Variants in SPMIP2 observed in about 807,000 individuals in gnomAD.
SPMIP2 encodes protein SPMIP2.
chr4:159,020,784 C>T, the SPMIP2 span, among the ~76,000 whole-genome samples: 4 of 152,082 alleles, frequency 2.6e-5, no homozygotes, highest in Admixed American at 1.3e-4. Context: ...GTTGTTGAGA[C>T]GGTGTCTCAC....
chr4:159,068,399 C>G, the SPMIP2 span, among the ~76,000 whole-genome samples: 1 of 151,588 alleles, frequency 6.6e-6, no homozygotes, highest in Non-Finnish European at 1.5e-5. Context: ...TCTCAGCAAA[C>G]TATCACAAGG....
At chr4:158,961,702 C>T in the SPMIP2 span, among the ~76,000 whole-genome samples, 1 of 152,104 alleles carries the variant, frequency 6.6e-6, no homozygotes, top group African/African-American at 2.4e-5. Flanking sequence ...GAAGACCTTT[C>T]TCAGAAACAT....
chr4:159,063,163 C>A, the SPMIP2 span, among the ~76,000 whole-genome samples: 1 of 152,068 alleles, frequency 6.6e-6, no homozygotes, highest in Non-Finnish European at 1.5e-5. Flanking sequence ...ATTTTAAAGA[C>A]CAACAAAAGA....
the SPMIP2 span, chr4:158,904,678 G>GTGTT: frequency 1.3e-6 from 1 of 772,066 alleles, no homozygotes; most frequent in Admixed American, 2.6e-5. Context: ...TTTTTGTTTT[G>GTGTT]TGTTTTTGCT....
chr4:158,969,050 G>C, the SPMIP2 span, among the ~76,000 whole-genome samples: 1 of 151,942 alleles, frequency 6.6e-6, no homozygotes, highest in Non-Finnish European at 1.5e-5. Context: ...TAATATATTG[G>C]TTATAATATG....
At chr4:159,067,661 G>T in the SPMIP2 span, among the ~76,000 whole-genome samples, 1 of 152,126 alleles carries the variant, frequency 6.6e-6, no homozygotes, top group East Asian at 1.9e-4. Flanking sequence ...TGACAAATGG[G>T]ATCTAATTAA....
At chr4:159,045,343 A>G in the SPMIP2 span, among the ~76,000 whole-genome samples, 1 of 38,322 alleles carries the variant, frequency 2.6e-5, no homozygotes, top group African/African-American at 9.5e-5. Context: ...TATAAAAGCT[A>G]AGGTATTTTT....
the SPMIP2 span, among the ~76,000 whole-genome samples, chr4:159,022,744 T>G: frequency 6.6e-6 from 1 of 152,088 alleles, no homozygotes; most frequent in Admixed American, 6.6e-5. Flanking sequence ...GTTAATATCG[T>G]GTGTTGGCCG....
the SPMIP2 span, among the ~76,000 whole-genome samples, chr4:158,894,359 A>G: frequency 6.6e-6 from 1 of 151,884 alleles, no homozygotes; most frequent in Non-Finnish European, 1.5e-5. Context: ...TTTTGTAGAG[A>G]CAGAGGCTCA....
At chr4:158,993,416 GTTAATA>G in the SPMIP2 span, among the ~76,000 whole-genome samples, 143 of 151,918 alleles carry the variant, frequency 9.4e-4, 1 homozygote, top group Admixed American at 1.8e-3. Context: ...TACAATGTGT[GTTAATA>G]GAGAAAGGGA....
chr4:158,915,387 A>G, the SPMIP2 span: 3 of 1,571,954 alleles, frequency 1.9e-6, no homozygotes, highest in Middle Eastern at 1.7e-4. Flanking sequence ...TGGTTCTGAA[A>G]TGGAAAAGAG....
At chr4:158,975,169 C>G in the SPMIP2 span, among the ~76,000 whole-genome samples, 2 of 151,498 alleles carry the variant, frequency 1.3e-5, no homozygotes, top group South Asian at 4.2e-4. Flanking sequence ...TTTCTTGTGA[C>G]TTTAAGTTCC....
the SPMIP2 span, among the ~76,000 whole-genome samples, chr4:158,940,982 T>C: frequency 2.0e-5 from 3 of 152,142 alleles, no homozygotes; most frequent in African/African-American, 7.2e-5. Context: ...CTTCTCCAGA[T>C]CCAGAATCAG....
chr4:158,984,519 C>T, the SPMIP2 span, among the ~76,000 whole-genome samples: 1 of 151,614 alleles, frequency 6.6e-6, no homozygotes, highest in African/African-American at 2.4e-5. Context: ...GAACAACCTG[C>T]TCCTGAATGA....
the SPMIP2 span, among the ~76,000 whole-genome samples, chr4:158,965,247 AG>A: frequency 4.4e-5 from 2 of 45,388 alleles, no homozygotes; most frequent in Non-Finnish European, 1.3e-4. Context: ...AAAATACACC[AG>A]GATTTTTTTT....
chr4:159,071,026 T>C, the SPMIP2 span, among the ~76,000 whole-genome samples: 1 of 152,166 alleles, frequency 6.6e-6, no homozygotes, highest in Non-Finnish European at 1.5e-5. Flanking sequence ...CAGATTCTGT[T>C]TGTTGCCCTG....
chr4:159,002,765 T>TGC, the SPMIP2 span, among the ~76,000 whole-genome samples: 1 of 118,920 alleles, frequency 8.4e-6, no homozygotes, highest in Non-Finnish European at 1.8e-5. Context: ...TACATATCAC[T>TGC]GCACACACAC....
At chr4:159,069,246 T>C in the SPMIP2 span, among the ~76,000 whole-genome samples, 1 of 152,068 alleles carries the variant, frequency 6.6e-6, no homozygotes, top group African/African-American at 2.4e-5. Context: ...AAGGTTACAG[T>C]GGGCCAAGAT....
chr4:158,957,987 GTCTGT>G, the SPMIP2 span, among the ~76,000 whole-genome samples: 10 of 152,100 alleles, frequency 6.6e-5, no homozygotes, highest in African/African-American at 2.4e-4. Context: ...AAACAGTATG[GTCTGT>G]TGTTATTTAT....
Sources: gnomAD v4.1 joint callset for allele counts (sites outside exome capture counted in the v4.1 genomes callset) on GRCh38, gnomAD v4.1.1 for gene constraint, MANE v1.5 for transcripts, NCBI Gene and HGNC (gene_info 2026-07-23, HGNC 2026-07-21) for gene names.